Variants in DLGAP2 observed in about 807,000 individuals in gnomAD.
DLGAP2 encodes DLG associated protein 2.
In DLGAP2, 26 loss-of-function variants were observed where a neutral mutation model predicts 100.3. The observed-to-expected ratio is 0.26, with a 90% CI of 0.19 to 0.36. The LOEUF (loss-of-function observed/expected upper bound fraction) is 0.36, where lower values mean the gene tolerates loss of function less well. Ranked by LOEUF, DLGAP2 falls within the 10% of genes least tolerant of loss-of-function variation. The pLI, the probability that DLGAP2 is intolerant of heterozygous loss-of-function variation, is 1.00. For missense variants in DLGAP2, 1,858 were observed against 1,453.2 expected (o/e 1.28, Z -4.53); for synonymous variants, 886 against 630.1 (o/e 1.41, Z -6.08).
At chr8:976,591 G>A (rs969568760) in intron 2 of DLGAP2, among the ~76,000 whole-genome samples, 4 of 152,018 alleles carry the variant, frequency 2.6e-5, no homozygotes, top group African/African-American at 7.3e-5. Flanking sequence ...CAGCCTGGGC[G>A]ACAGAGCAAG....
At chr8:1,335,629 T>C (rs1320098689) in intron 3 of DLGAP2, among the ~76,000 whole-genome samples, 1 of 152,004 alleles carries the variant, frequency 6.6e-6, no homozygotes, top group Non-Finnish European at 1.5e-5. Flanking sequence ...TTTGGACTGG[T>C]CATGACGTAT....
At chr8:1,504,518 A>G (rs1799835374) in intron 4 of DLGAP2, among the ~76,000 whole-genome samples, 1 of 152,178 alleles carries the variant, frequency 6.6e-6, no homozygotes, top group South Asian at 2.1e-4. Flanking sequence ...TCTAACTGAA[A>G]TGCTGCACCC....
At chr8:1,173,711 G>T (rs187036243) in intron 2 of DLGAP2, among the ~76,000 whole-genome samples, 14 of 152,230 alleles carry the variant, frequency 9.2e-5, no homozygotes, top group African/African-American at 3.4e-4. Context: ...CTCCTGGTGC[G>T]CCATTTTTTA....
chr8:805,254 G>C (rs983543658), intron 1 of DLGAP2, among the ~76,000 whole-genome samples: 10 of 152,180 alleles, frequency 6.6e-5, no homozygotes, highest in African/African-American at 2.2e-4. Context: ...ACTTCTTCCT[G>C]TTCCCAACTC....
intron 6 of DLGAP2, among the ~76,000 whole-genome samples, chr8:1,576,493 T>G (rs1157776473): frequency 6.6e-6 from 1 of 152,212 alleles, no homozygotes; most frequent in Non-Finnish European, 1.5e-5. Context: ...TTTGTCAATT[T>G]TTGCTTTTGT....
At chr8:847,911 A>C (rs66641031) in intron 1 of DLGAP2, among the ~76,000 whole-genome samples, 37,638 of 151,618 alleles carry the variant, frequency 0.25, 5,479 homozygotes, top group East Asian at 0.76. Context: ...TCTTATTTTG[A>C]CTTTTAGCTT....
intron 3 of DLGAP2, among the ~76,000 whole-genome samples, chr8:1,371,515 G>A (rs192569126): frequency 4.6e-5 from 7 of 152,294 alleles, no homozygotes; most frequent in African/African-American, 9.6e-5. Context: ...ATGCTGTGGT[G>A]GTTTGTGGCT....
At chr8:1,335,104 G>A (rs1319777229) in intron 3 of DLGAP2, among the ~76,000 whole-genome samples, 2 of 152,206 alleles carry the variant, frequency 1.3e-5, no homozygotes, top group African/African-American at 4.8e-5. Flanking sequence ...TTCTGCAGAA[G>A]GGAACTCCTC....
At chr8:1,106,986 AGAGT>A (rs1804795794) in intron 2 of DLGAP2, among the ~76,000 whole-genome samples, 1 of 149,052 alleles carries the variant, frequency 6.7e-6, no homozygotes, top group African/African-American at 2.6e-5. Context: ...CCAGATAAGC[AGAGT>A]GAGAGAGTCT....
intron 1 of DLGAP2, among the ~76,000 whole-genome samples, chr8:780,991 C>G (rs184608282): frequency 6.6e-6 from 1 of 152,322 alleles, no homozygotes; most frequent in Admixed American, 6.5e-5. Context: ...TTACATTTCT[C>G]TCCATGAGGT....
chr8:1,362,238 G>A (rs7012941), intron 3 of DLGAP2, among the ~76,000 whole-genome samples: 2 of 152,042 alleles, frequency 1.3e-5, no homozygotes, highest in East Asian at 1.9e-4. Context: ...GGGACCTGGT[G>A]TTCCCCACAG....
chr8:1,554,273 G>A (rs1470566228), intron 5 of DLGAP2, among the ~76,000 whole-genome samples: 1 of 151,252 alleles, frequency 6.6e-6, no homozygotes, highest in African/African-American at 2.4e-5. Flanking sequence ...GGGTGACAGA[G>A]CAAGACTCCA....
intron 2 of DLGAP2, among the ~76,000 whole-genome samples, chr8:1,076,875 C>T (rs1288272871): frequency 6.8e-6 from 1 of 146,312 alleles, no homozygotes; most frequent in African/African-American, 2.6e-5. Context: ...CCCCCCAATA[C>T]CAAGAGGGGG....
chr8:1,209,201 C>G (rs548892076), intron 2 of DLGAP2, among the ~76,000 whole-genome samples: 3 of 152,238 alleles, frequency 2.0e-5, no homozygotes, highest in East Asian at 1.9e-4. Flanking sequence ...CAAAGCAAGA[C>G]TAAGCAAAAA....
chr8:1,535,065 G>T (rs1230281836), intron 4 of DLGAP2, among the ~76,000 whole-genome samples: 2 of 152,210 alleles, frequency 1.3e-5, no homozygotes, highest in Non-Finnish European at 2.9e-5. Flanking sequence ...GGCACCCGGA[G>T]CCACCTTCTG....
chr8:1,248,878 C>T (rs375174550), intron 2 of DLGAP2: 1 of 152,228 alleles, frequency 6.6e-6, no homozygotes, highest in Non-Finnish European at 1.5e-5. Flanking sequence ...TGGCTCTATG[C>T]TTCTGAAGCT....
At chr8:1,009,045 A>C (rs1801202884) in intron 2 of DLGAP2, among the ~76,000 whole-genome samples, 1 of 152,156 alleles carries the variant, frequency 6.6e-6, no homozygotes, top group Non-Finnish European at 1.5e-5. Context: ...CCCTGGCAAA[A>C]GCTGGGTGGG....
intron 4 of DLGAP2, among the ~76,000 whole-genome samples, chr8:1,505,909 C>T (rs1330140473): frequency 1.3e-5 from 2 of 152,096 alleles, no homozygotes; most frequent in Non-Finnish European, 2.9e-5. Context: ...CCAAATTTTG[C>T]ATTGATAAAT....
intron 3 of DLGAP2, chr8:1,301,126 G>C (rs1289655409): frequency 6.6e-6 from 1 of 152,370 alleles, no homozygotes; most frequent in Non-Finnish European, 1.5e-5. Context: ...ATTTCTCATA[G>C]GCAGCGTGGC....
Sources: allele counts gnomAD v4.1 joint callset (sites outside exome capture counted in the v4.1 genomes callset), GRCh38; gene constraint gnomAD v4.1.1; transcripts MANE v1.5; gene names NCBI Gene and HGNC (gene_info 2026-07-23, HGNC 2026-07-21).